SCAI: variants seen among roughly 807,000 people sequenced by gnomAD.
SCAI encodes suppressor of cancer cell invasion.
A neutral mutation model predicts 92.2 loss-of-function variants in SCAI; 24 were observed. The observed-to-expected ratio is 0.26, with a 90% CI of 0.19 to 0.37. The LOEUF (loss-of-function observed/expected upper bound fraction) is 0.37, where lower values mean the gene tolerates loss of function less well. Among genes scored for constraint, SCAI ranks in the 10% least tolerant of loss-of-function variants. The pLI, the probability that SCAI is intolerant of heterozygous loss-of-function variation, is 1.00. For missense variants in SCAI, 450 were observed against 736.2 expected (o/e 0.61, Z 4.50); for synonymous variants, 261 against 258.6 (o/e 1.01, Z -0.09).
At chr9:125,003,652 T>C (rs1433503843) in intron 9 of SCAI, 82 bp from the exon 10 acceptor site, 8 of 841,432 alleles carry the variant, frequency 9.5e-6, no homozygotes, top group Non-Finnish European at 1.4e-5. Flanking sequence ...TTACTAGTTG[T>C]GACTTTCACA....
At chr9:124,997,062 CTCTGCTTCTGAGTG>C (rs1257088558) in intron 13 of SCAI, among the ~76,000 whole-genome samples, 1 of 152,210 alleles carries the variant, frequency 6.6e-6, no homozygotes, top group East Asian at 1.9e-4. Context: ...TACCGTTGCA[CTCTGCTTCTGAGTG>C]CAACTTTTTC....
chr9:124,963,449 T>C (rs988858906), intron 17 of SCAI, among the ~76,000 whole-genome samples: 1 of 151,878 alleles, frequency 6.6e-6, no homozygotes, highest in Non-Finnish European at 1.5e-5. Context: ...AAGAAAATGT[T>C]ACTAAGAAAA....
chr9:125,047,116 T>C (rs1038456491), intron 3 of SCAI, among the ~76,000 whole-genome samples: 6 of 152,128 alleles, frequency 3.9e-5, no homozygotes, highest in African/African-American at 1.4e-4. Context: ...AACCTCTAAC[T>C]CCCAGTATCT....
At chr9:125,028,573 T>G (rs1322954078) in intron 4 of SCAI, 95 bp from the exon 5 acceptor site, 2 of 518,950 alleles carry the variant, frequency 3.9e-6, no homozygotes, top group African/African-American at 4.0e-5. Context: ...ACCATCCAAT[T>G]CAGCAAAGCT....
chr9:125,118,711 C>T (rs1588238890), intron 2 of SCAI, among the ~76,000 whole-genome samples: 1 of 152,074 alleles, frequency 6.6e-6, no homozygotes, highest in Non-Finnish European at 1.5e-5. Context: ...ACCACCCCCA[C>T]CCCACATGGC....
At chr9:124,999,688 T>C (rs1230810403) in intron 13 of SCAI, among the ~76,000 whole-genome samples, 3 of 152,208 alleles carry the variant, frequency 2.0e-5, no homozygotes, top group Admixed American at 2.0e-4. Context: ...TCAATGAATA[T>C]CAACCAAAAG....
At chr9:125,125,429 G>C (rs1835241027) in intron 2 of SCAI, among the ~76,000 whole-genome samples, 1 of 151,974 alleles carries the variant, frequency 6.6e-6, no homozygotes, top group African/African-American at 2.4e-5. Flanking sequence ...TCAGGTGGCT[G>C]AGAGAGGAGA....
At chr9:125,021,697 C>T (rs1029103656) in intron 6 of SCAI, among the ~76,000 whole-genome samples, 1 of 152,106 alleles carries the variant, frequency 6.6e-6, no homozygotes, top group Non-Finnish European at 1.5e-5. Context: ...TCAACATTTT[C>T]CATAATAAAA....
intron 3 of SCAI, among the ~76,000 whole-genome samples, chr9:125,042,638 C>CGTGTGTGTGTGT (rs1564390399): frequency 1.1e-4 from 8 of 73,552 alleles, no homozygotes; most frequent in African/African-American, 2.4e-4. Context: ...TGTGTGTACA[C>CGTGTGTGTGTGT]ACACACACAC....
intron 14 of SCAI, among the ~76,000 whole-genome samples, chr9:124,982,361 C>T (rs1831902850): frequency 6.6e-6 from 1 of 152,046 alleles, no homozygotes; most frequent in Non-Finnish European, 1.5e-5. Context: ...AATTGTATAT[C>T]TGACTCTAAA....
At chr9:124,962,402 C>A (rs989478797) in intron 17 of SCAI, among the ~76,000 whole-genome samples, 9 of 152,022 alleles carry the variant, frequency 5.9e-5, no homozygotes, top group Admixed American at 5.2e-4. Context: ...CTAAGGTGAC[C>A]AACCCGCTGT....
chr9:125,074,424 T>C (rs1174620647), intron 2 of SCAI, among the ~76,000 whole-genome samples: 2 of 150,450 alleles, frequency 1.3e-5, no homozygotes, highest in Non-Finnish European at 3.0e-5. Flanking sequence ...GCCTGGCTAA[T>C]TATTGTATTT....
intron 13 of SCAI, among the ~76,000 whole-genome samples, chr9:124,997,050 A>G (rs895541705): frequency 9.2e-5 from 14 of 152,190 alleles, no homozygotes; most frequent in Admixed American, 3.9e-4. Flanking sequence ...GCTCCTCAGA[A>G]CTACCGTTGC....
chr9:125,120,807 A>C (rs55741240), intron 2 of SCAI, among the ~76,000 whole-genome samples: 13,914 of 152,052 alleles, frequency 0.092, 853 homozygotes, highest in Non-Finnish European at 0.13. Context: ...GCTTGAACCC[A>C]GGAGGTAGAG....
intron 12 of SCAI, among the ~76,000 whole-genome samples, chr9:125,000,619 T>A (rs1171301091): frequency 6.6e-6 from 1 of 150,990 alleles, no homozygotes. Flanking sequence ...AAAAAAGAAG[T>A]TGCAGAATAA....
At chr9:125,017,954 A>G (rs1832795321) in intron 9 of SCAI, among the ~76,000 whole-genome samples, 1 of 151,800 alleles carries the variant, frequency 6.6e-6, no homozygotes, top group Non-Finnish European at 1.5e-5. Context: ...GGTTGCAGTG[A>G]GCCAAAATCA....
At chr9:125,125,909 T>TATACACACACAC (rs149303657) in intron 2 of SCAI, among the ~76,000 whole-genome samples, 1 of 137,910 alleles carries the variant, frequency 7.3e-6, no homozygotes, top group African/African-American at 2.7e-5. Context: ...TGCGTACACG[T>TATACACACACAC]ACACACACAC....
chr9:124,976,252 T>C, intron 14 of SCAI, 66 bp from the exon 15 acceptor site: 1 of 1,156,820 alleles, frequency 8.6e-7, no homozygotes, highest in Non-Finnish European at 1.3e-6. Flanking sequence ...TTAGTAATTT[T>C]CCAAAGCATA....
At chr9:125,006,757 G>T (rs1832518632) in intron 9 of SCAI, among the ~76,000 whole-genome samples, 1 of 152,060 alleles carries the variant, frequency 6.6e-6, no homozygotes, top group Admixed American at 6.5e-5. Context: ...CCCACAGTGT[G>T]GGGATTACAG....
Sources: gnomAD v4.1 joint callset for allele counts (sites outside exome capture counted in the v4.1 genomes callset) on GRCh38, gnomAD v4.1.1 for gene constraint, MANE v1.5 for transcripts, NCBI Gene and HGNC (gene_info 2026-07-23, HGNC 2026-07-21) for gene names.